CDH4: variants seen among roughly 807,000 people sequenced by gnomAD.
CDH4 encodes the protein cadherin-4.
A neutral mutation model predicts 86.0 loss-of-function variants in CDH4; 33 were observed. That is an observed-to-expected ratio of 0.38 (90% CI 0.29 to 0.51). The LOEUF (loss-of-function observed/expected upper bound fraction) is 0.51. Ranked by LOEUF, CDH4 falls within the 20% of genes least tolerant of loss-of-function variation. CDH4 has a pLI of 0.86. For missense variants in CDH4, 1,114 were observed against 1,307.4 expected, an observed-to-expected ratio of 0.85 and a Z score of 2.28; for synonymous variants, 555 against 549.4, an observed-to-expected ratio of 1.01 and a Z score of -0.14.
At chr20:61,487,833 A>G (rs924076697) in intron 2 of CDH4, among the ~76,000 whole-genome samples, 2 of 152,220 alleles carry the variant, frequency 1.3e-5, no homozygotes, top group African/African-American at 4.8e-5. Flanking sequence ...GTACTATTCA[A>G]AGTGTCAAAG....
intron 2 of CDH4, among the ~76,000 whole-genome samples, chr20:61,397,236 GA>G (rs2085022796): frequency 6.6e-6 from 1 of 152,136 alleles, no homozygotes; most frequent in Admixed American, 6.5e-5. Context: ...TTTAAATGAG[GA>G]AAAACCAGAA....
chr20:61,574,224 C>T (rs919633265), intron 2 of CDH4, among the ~76,000 whole-genome samples: 1 of 152,274 alleles, frequency 6.6e-6, no homozygotes. Flanking sequence ...GCAAGCAGCA[C>T]CATGCTGTAG....
At chr20:61,823,439 A>G (rs977092370) in intron 4 of CDH4, among the ~76,000 whole-genome samples, 1 of 151,950 alleles carries the variant, frequency 6.6e-6, no homozygotes, top group African/African-American at 2.4e-5. Flanking sequence ...GTGGTAGAGG[A>G]AGAGAAAGCT....
At chr20:61,766,223 G>C (rs535253684) in intron 3 of CDH4, among the ~76,000 whole-genome samples, 3 of 141,792 alleles carry the variant, frequency 2.1e-5, no homozygotes, top group Non-Finnish European at 4.6e-5. Context: ...CTTGGCCCCA[G>C]CTCTCCCTAG....
intron 2 of CDH4, among the ~76,000 whole-genome samples, chr20:61,669,560 A>G (rs1019949099): frequency 1.3e-5 from 2 of 152,190 alleles, no homozygotes; most frequent in Admixed American, 1.3e-4. Flanking sequence ...GGAAGTAAAG[A>G]ATGGAAGGAA....
intron 2 of CDH4, among the ~76,000 whole-genome samples, chr20:61,693,886 T>TTC: frequency 1.8e-5 from 1 of 55,002 alleles, no homozygotes; most frequent in Non-Finnish European, 3.4e-5. Flanking sequence ...CTTTCTTTCT[T>TTC]TTTTTTTTTT....
intron 2 of CDH4, among the ~76,000 whole-genome samples, chr20:61,329,059 A>C (rs965763057): frequency 6.6e-6 from 1 of 152,210 alleles, no homozygotes; most frequent in Non-Finnish European, 1.5e-5. Flanking sequence ...TGATAGTAAC[A>C]TGTTGAGTGT....
chr20:61,927,873 G>A (rs2282459), intron 11 of CDH4, among the ~76,000 whole-genome samples: 64,327 of 151,974 alleles, frequency 0.42, 14,454 homozygotes, highest in African/African-American at 0.57. Flanking sequence ...GGTGCCGTGC[G>A]CAGTGGCTGT....
Position 61,480,304 on chromosome 20 carries a change from G to T in CDH4, c.169+225367G>T, listed in dbSNP as rs993463233. Among the ~76,000 whole-genome samples, 1 of 152,150 alleles carries T rather than the reference G, an allele frequency of 6.6e-6. No homozygotes were observed. Among genetic ancestry groups the T allele is most frequent in the Non-Finnish European group, 1.5e-5 (1 of 68,020 alleles). On this transcript the variant is annotated intron_variant, in intron 2 of 15. Coordinates refer to ENST00000614565, the MANE Select transcript of CDH4 (RefSeq NM_001794.5). This position sits in a 1 kb window ranked among gnomAD's most constrained non-coding sequence, Gnocchi z 5.2. ...GCCGGGGCAGCTGTGGCGCCCCCTG[G>T]CTGTGTCCTCTGCTTGGGCCACTGC...
chr20:61,785,637 C>T (rs550191193), intron 4 of CDH4, among the ~76,000 whole-genome samples: 1 of 151,684 alleles, frequency 6.6e-6, no homozygotes, highest in East Asian at 1.9e-4. Context: ...GTTTGCAGAG[C>T]CCCCACCCAG....
intron 4 of CDH4, among the ~76,000 whole-genome samples, chr20:61,840,010 C>T (rs1452277478): frequency 1.3e-5 from 2 of 152,086 alleles, no homozygotes; most frequent in Non-Finnish European, 2.9e-5. Flanking sequence ...AACTGACTCA[C>T]TCTGACCCTG....
chr20:61,656,413 C>T (rs971940543), intron 2 of CDH4, among the ~76,000 whole-genome samples: 1 of 151,376 alleles, frequency 6.6e-6, no homozygotes, highest in Non-Finnish European at 1.5e-5. Context: ...CAGGTGTATG[C>T]TGAGGTGGGC....
At chr20:61,263,495 C>T (rs890666236) in intron 2 of CDH4, among the ~76,000 whole-genome samples, 2 of 152,192 alleles carry the variant, frequency 1.3e-5, no homozygotes, top group Non-Finnish European at 2.9e-5. Flanking sequence ...TGTGTCTTCT[C>T]ATTTAACGCT....
chr20:61,744,223 A>G (rs976380074), intron 3 of CDH4, among the ~76,000 whole-genome samples: 1 of 152,044 alleles, frequency 6.6e-6, no homozygotes, highest in Admixed American at 6.6e-5. Context: ...CCAACCAGAG[A>G]GTGGGGAGGC....
intron 8 of CDH4, among the ~76,000 whole-genome samples, chr20:61,897,414 A>G (rs1050950249): frequency 1.3e-5 from 2 of 151,892 alleles, no homozygotes; most frequent in Non-Finnish European, 2.9e-5. Context: ...CAGCATAAGC[A>G]CTGACCAGCA....
At chr20:61,668,197 GC>G (rs1159512244) in intron 2 of CDH4, among the ~76,000 whole-genome samples, 4 of 152,198 alleles carry the variant, frequency 2.6e-5, no homozygotes, top group Non-Finnish European at 5.9e-5. Context: ...TGCTGTGTGC[GC>G]CCATGTGTTA....
chr20:61,404,819 G>C (rs2085071533), intron 2 of CDH4, among the ~76,000 whole-genome samples: 1 of 152,004 alleles, frequency 6.6e-6, no homozygotes, highest in Admixed American at 6.6e-5. Context: ...AGGAGGCTGA[G>C]GCAGGTGAAT....
intron 2 of CDH4, among the ~76,000 whole-genome samples, chr20:61,667,002 C>A (rs1000732694): frequency 2.0e-5 from 3 of 152,278 alleles, no homozygotes; most frequent in Admixed American, 6.5e-5. Context: ...TGCTCCCTGG[C>A]AGCCCACGCA....
At position 61,934,238 on chromosome 20, in the gene CDH4, G is replaced by A. The variant is rs1390887971; in HGVS notation, c.2544+18G>A. 1 of 1,516,230 alleles carries A rather than the reference G, an allele frequency of 6.6e-7. No individual in the cohort carries two copies. The highest frequency in any genetic ancestry group is 8.8e-7 in the Non-Finnish European group (1 of 1,130,052). The allele number at this position is 1,516,230 out of a possible 1,614,324, so 93.9% of individuals were successfully genotyped here. A position where few individuals can be genotyped will look rare whatever the true frequency, so the allele number is the denominator to read the frequency against. On this transcript the variant is annotated intron_variant, in intron 15 of 15. Transcript: ENST00000614565. ...TCAATGAGGTGTGTGCCTCTCGGCAGTGGGGGGCCCGGGCAAGGTGTCTCC... is the reference window on the plus strand; with the variant it reads ...TCAATGAGGTGTGTGCCTCTCGGCAATGGGGGGCCCGGGCAAGGTGTCTCC...
Sources: gnomAD v4.1 joint callset for allele counts (sites outside exome capture counted in the v4.1 genomes callset) on GRCh38, gnomAD v4.1.1 for gene constraint, Gnocchi (gnomAD v3.1) non-coding constraint, MANE v1.5 for transcripts, NCBI Gene and HGNC (gene_info 2026-07-23, HGNC 2026-07-21) for gene names.